GRID1: variants seen among roughly 807,000 people sequenced by gnomAD.
The protein encoded by GRID1 is glutamate ionotropic receptor delta type subunit 1.
Under a neutral mutation model 98.0 loss-of-function variants are expected in GRID1, and 28 were observed. The observed-to-expected ratio is 0.29, with a 90% CI of 0.21 to 0.39. GRID1 has a LOEUF of 0.39. Among genes scored for constraint, GRID1 ranks in the 10% least tolerant of loss-of-function variants. The pLI, the probability that GRID1 is intolerant of heterozygous loss-of-function variation, is 1.00. For missense variants in GRID1, 1,111 were observed against 1,340.5 expected, an observed-to-expected ratio of 0.83 and a Z score of 2.67; for synonymous variants, 553 against 538.5, an observed-to-expected ratio of 1.03 and a Z score of -0.37.
intron 2 of GRID1, among the ~76,000 whole-genome samples, chr10:86,319,651 C>T (rs1847943725): frequency 6.6e-6 from 1 of 152,190 alleles, no homozygotes; most frequent in South Asian, 2.1e-4. Context: ...AAAGAGGTTC[C>T]AATAAATAGT....
chr10:85,952,518 C>T (rs530721557), intron 4 of GRID1, among the ~76,000 whole-genome samples: 1 of 152,284 alleles, frequency 6.6e-6, no homozygotes, highest in African/African-American at 2.4e-5. Flanking sequence ...TACTGCAATG[C>T]CTTCAGGTTT....
Position 86,112,798 on chromosome 10 carries a change from C to G in GRID1, c.726+26021G>C, listed in dbSNP as rs148579549. Among the ~76,000 whole-genome samples the G allele has an allele frequency of 1.9e-3, 289 of 152,316 alleles. 1 individual carries two copies. The highest frequency in any genetic ancestry group is 2.9e-3 in the Admixed American group (44 of 15,306). On this transcript the variant is annotated intron_variant, in intron 4 of 15. Coordinates refer to ENST00000327946, the MANE Select transcript of GRID1 (RefSeq NM_017551.3). ...AGAACCAAGGCAACTCCAGGGACTG[C>G]TGATGAGATGGTGTCATGCAGCATT...
intron 4 of GRID1, among the ~76,000 whole-genome samples, chr10:85,968,450 C>CAAAAA (rs56938729): frequency 3.8e-4 from 39 of 102,304 alleles, no homozygotes; most frequent in Middle Eastern, 5.6e-3. Flanking sequence ...GACTCTGTCT[C>CAAAAA]AAAAAAAAAA....
intron 5 of GRID1, among the ~76,000 whole-genome samples, chr10:85,911,461 C>T (rs887221712): frequency 6.6e-6 from 1 of 152,166 alleles, no homozygotes; most frequent in Non-Finnish European, 1.5e-5. Context: ...GAAGAAGTGG[C>T]AAGGGCCTGC....
At chr10:86,299,557 T>C (rs919158890) in intron 2 of GRID1, among the ~76,000 whole-genome samples, 2 of 150,686 alleles carry the variant, frequency 1.3e-5, no homozygotes, top group African/African-American at 4.9e-5. Context: ...CAGCAAACTA[T>C]CTCAAGGACA....
intron 4 of GRID1, among the ~76,000 whole-genome samples, chr10:86,061,132 T>C (rs1225419003): frequency 1.3e-5 from 2 of 152,144 alleles, no homozygotes; most frequent in Non-Finnish European, 2.9e-5. Flanking sequence ...AGGCTTCACT[T>C]TCCACTCACA....
chr10:86,365,739 C>T lies in GRID1; in HGVS notation c.79+575G>A, dbSNP rs1848667642. 6.6e-6 allele frequency among the ~76,000 whole-genome samples: 1 copy of T among 152,098 alleles called. No homozygotes were observed. The highest frequency in any genetic ancestry group is 1.5e-5 in the Non-Finnish European group (1 of 68,014). On this transcript the variant is annotated intron_variant, in intron 1 of 15. Coordinates refer to ENST00000327946, the MANE Select transcript of GRID1 (RefSeq NM_017551.3). This position sits in a 1 kb window ranked among gnomAD's most constrained non-coding sequence, Gnocchi z 4.8. ...CCGGAGAAGCAGGCAGACACTGTGT[C>T]CACTCTAACAGGCTGACAGACAGTC... is the stretch of plus-strand genomic sequence containing the variant.
intron 13 of GRID1, among the ~76,000 whole-genome samples, chr10:85,635,633 A>G (rs946802779): frequency 6.6e-6 from 1 of 152,166 alleles, no homozygotes; most frequent in Admixed American, 6.5e-5. Context: ...AAATAAATAA[A>G]AGGCAGGCCT....
rs925599186 is a variant in GRID1, at chr10:86,288,940, T to C, written c.235+75001A>G. ...CACTTAGTGGCCTCCTGCTCAGCAA[T>C]AGGACATGGCCCTGGACACAGCTCA... On this transcript the variant is annotated intron_variant, in intron 2 of 15. Transcript: ENST00000327946. Among the ~76,000 whole-genome samples the C allele has an allele frequency of 1.1e-4, 16 of 152,232 alleles. No individual in the cohort carries two copies. The South Asian group carries it at 2.5e-3, about 24-fold the overall frequency.
At chr10:85,775,938 T>C (rs1455294490) in intron 8 of GRID1, among the ~76,000 whole-genome samples, 2 of 152,064 alleles carry the variant, frequency 1.3e-5, no homozygotes, top group African/African-American at 4.8e-5. Flanking sequence ...CATGAATATA[T>C]AATATAATCA....
chr10:86,153,558 T>C (rs1002630252), intron 3 of GRID1, among the ~76,000 whole-genome samples: 4 of 152,210 alleles, frequency 2.6e-5, no homozygotes, highest in African/African-American at 4.8e-5. Context: ...TGCTTCCCAA[T>C]TCCATGTCTA....
chr10:85,770,257 G>A (rs1300784083), intron 8 of GRID1, among the ~76,000 whole-genome samples: 1 of 152,216 alleles, frequency 6.6e-6, no homozygotes, highest in Non-Finnish European at 1.5e-5. Context: ...CACACTGGCA[G>A]CTGAGGGTCC....
intron 6 of GRID1, among the ~76,000 whole-genome samples, chr10:85,860,558 T>C (rs1477734649): frequency 6.6e-6 from 1 of 152,176 alleles, no homozygotes. Flanking sequence ...AGGGACTGGA[T>C]GGTTTCATTT....
At chr10:85,624,747 T>C (rs1036228059) in intron 13 of GRID1, among the ~76,000 whole-genome samples, 1 of 152,188 alleles carries the variant, frequency 6.6e-6, no homozygotes, top group African/African-American at 2.4e-5. Context: ...TGGAGAGTAA[T>C]ACAATAATAC....
At chr10:85,858,413 A>G (rs1157142996) in intron 6 of GRID1, among the ~76,000 whole-genome samples, 2 of 152,158 alleles carry the variant, frequency 1.3e-5, no homozygotes, top group Non-Finnish European at 2.9e-5. Context: ...CTCACTGCAC[A>G]GGGAACACCA....
chr10:86,066,372 T>G (rs1406075476), intron 4 of GRID1, among the ~76,000 whole-genome samples: 1 of 152,178 alleles, frequency 6.6e-6, no homozygotes, highest in Non-Finnish European at 1.5e-5. Flanking sequence ...GTTGAGCAGC[T>G]AATATGTGTC....
intron 8 of GRID1, among the ~76,000 whole-genome samples, chr10:85,789,359 G>A (rs1004153026): frequency 6.6e-5 from 10 of 152,134 alleles, no homozygotes; most frequent in South Asian, 4.1e-4. Context: ...CAGAGCAGCC[G>A]CAGTGTGGAG....
chr10:85,671,782 C>T (rs11201726), intron 12 of GRID1, among the ~76,000 whole-genome samples: 1 of 152,124 alleles, frequency 6.6e-6, no homozygotes, highest in Non-Finnish European at 1.5e-5. Context: ...TTGAAGAAAA[C>T]TAAAAGTGAA....
chr10:86,340,457 C>G (rs1204348077), intron 2 of GRID1, among the ~76,000 whole-genome samples: 1 of 152,098 alleles, frequency 6.6e-6, no homozygotes, highest in Non-Finnish European at 1.5e-5. Flanking sequence ...ATGCAGGGCA[C>G]AGAGGGAGAG....
Sources: gnomAD v4.1 joint callset for allele counts (sites outside exome capture counted in the v4.1 genomes callset) on GRCh38, gnomAD v4.1.1 for gene constraint, Gnocchi (gnomAD v3.1) non-coding constraint, MANE v1.5 for transcripts, NCBI Gene and HGNC (gene_info 2026-07-23, HGNC 2026-07-21) for gene names.